CENPU: variants seen among roughly 807,000 people sequenced by gnomAD.
The protein encoded by CENPU is KSHV latent nuclear antigen interacting protein 1.
CENPU carries 46 observed loss-of-function variants against 56.7 expected under a neutral mutation model. The ratio of observed to expected loss-of-function variants is 0.81; its 90% CI spans 0.64 to 1.04. The LOEUF (loss-of-function observed/expected upper bound fraction) is 1.04. Ranked by LOEUF, CENPU falls within the 50% of genes least tolerant of loss-of-function variation. The probability of loss-of-function intolerance (pLI) is 0.00; values close to 1 mark genes in which losing one functional copy is unlikely to be tolerated. For missense variants in CENPU, 510 were observed against 490.1 expected, an observed-to-expected ratio of 1.04 and a Z score of -0.38; for synonymous variants, 166 against 163.0, an observed-to-expected ratio of 1.02 and a Z score of -0.14.
rs1761621511 is a variant in CENPU, at chr4:184,730,982, A to G, written c.48-14T>C. 2.6e-6 allele frequency: 4 copies of G among 1,565,026 alleles called. No homozygotes were observed. In the East Asian group the frequency reaches 9.4e-5, roughly 37 times the overall value. On this transcript the variant is annotated splice_polypyrimidine_tract_variant and intron_variant, in intron 1 of 12. Coordinates refer to ENST00000281453, the MANE Select transcript of CENPU (RefSeq NM_024629.4). ...GAACGTCTTGCGCTATTAAACAGCA[A>G]AAAAACACAAGAGTTAGGAAATAGT... is the stretch of plus-strand genomic sequence containing the variant.
chr4:184,717,302 A>G (rs1761126653), intron 4 of CENPU, 106 bp from the exon 5 acceptor site: 3 of 819,106 alleles, frequency 3.7e-6, no homozygotes, highest in Non-Finnish European at 6.0e-6. Context: ...TTTAATGAGG[A>G]AATATCCTAT....
intron 8 of CENPU, among the ~76,000 whole-genome samples, chr4:184,703,909 T>G (rs1760630698): frequency 6.6e-6 from 1 of 152,224 alleles, no homozygotes; most frequent in Non-Finnish European, 1.5e-5. Flanking sequence ...CTAGTGACAC[T>G]GTTGCCATCA....
intron 7 of CENPU, among the ~76,000 whole-genome samples, chr4:184,712,551 A>G (rs969209991): frequency 6.6e-6 from 1 of 152,238 alleles, no homozygotes; most frequent in African/African-American, 2.4e-5. Flanking sequence ...CTGTAAACAC[A>G]CACTGAACTC....
Position 184,712,945 on chromosome 4 carries a change from T to A in CENPU, c.687A>T (p.Ser229=). ...RKKSRSKAIG[S]DTSDIVHIWC... is the part of the protein sequence containing the mutation. ...AAAGTATAAAACATCATTCTCTACC[T>A]GAGCCTATGGCTTTACTTCTTGATT... The change falls in exon 7 of 13, where the codon TCA becomes TCT. Residue 229 remains serine (S), a splice_region_variant and synonymous_variant. Transcript: ENST00000281453. 1 of 1,578,156 alleles carries A rather than the reference T, an allele frequency of 6.3e-7. No homozygotes were observed. The highest frequency in any genetic ancestry group is 8.7e-7 in the Non-Finnish European group (1 of 1,155,950).
chr4:184,695,411 G>A lies in CENPU; in HGVS notation c.1144-10C>T. 1 of 1,579,486 alleles carries A rather than the reference G, an allele frequency of 6.3e-7. No homozygotes were observed. The stretch of plus-strand genomic sequence containing the variant: ...GGCTGGATGAATCATACTGTTGAAA[G>A]AAAATTATATAATTAGCAATATCAA... On this transcript the variant is annotated splice_polypyrimidine_tract_variant and intron_variant, in intron 12 of 12. Coordinates refer to ENST00000281453, the MANE Select transcript of CENPU (RefSeq NM_024629.4).
At chr4:184,696,486 C>A (rs1760322129) in intron 12 of CENPU, among the ~76,000 whole-genome samples, 1 of 151,838 alleles carries the variant, frequency 6.6e-6, no homozygotes, top group Admixed American at 6.6e-5. Context: ...GATAACTTGC[C>A]CAAATTTAGT....
intron 4 of CENPU, among the ~76,000 whole-genome samples, chr4:184,721,382 A>G (rs1478723170): frequency 6.7e-6 from 1 of 148,806 alleles, no homozygotes; most frequent in Non-Finnish European, 1.5e-5. Context: ...TGGCATGAGT[A>G]AGTCCCTGCT....
intron 8 of CENPU, among the ~76,000 whole-genome samples, chr4:184,703,705 T>G (rs1331908095): frequency 1.3e-5 from 2 of 152,230 alleles, no homozygotes; most frequent in Non-Finnish European, 2.9e-5. Context: ...GAATATCAAT[T>G]GTACACCAAT....
At chr4:184,710,697 C>T (rs1442863827) in intron 7 of CENPU, among the ~76,000 whole-genome samples, 1 of 152,122 alleles carries the variant, frequency 6.6e-6, no homozygotes, top group Non-Finnish European at 1.5e-5. Flanking sequence ...TTTAACCTTC[C>T]AGAGGCTGTT....
In CENPU at chr4:184,694,887, T is replaced by C; in HGVS notation, c.*401A>G. ...TTTATATAAACTAAGTTTTATTACT[T>C]TGCTTTCCAATTTTTGTTTTTTACT... is the stretch of plus-strand genomic sequence containing the variant. On this transcript the variant is annotated 3_prime_UTR_variant, in exon 13 of 13. Transcript: ENST00000281453. 9.9e-7 allele frequency: 1 copy of C among 1,005,202 alleles called. No individual in the cohort carries two copies. The highest frequency in any genetic ancestry group is 1.4e-6 in the Non-Finnish European group (1 of 703,944). 62.3% of individuals were successfully genotyped at this position (1,005,202 alleles called of 1,614,324 possible). A position where few individuals can be genotyped will look rare whatever the true frequency, so the allele number is the denominator to read the frequency against.
intron 5 of CENPU, among the ~76,000 whole-genome samples, chr4:184,716,902 T>C (rs1561138995): frequency 6.6e-6 from 1 of 152,236 alleles, no homozygotes; most frequent in Non-Finnish European, 1.5e-5. Context: ...ACAAAGTACA[T>C]AGAGATGTGA....
rs1761549246 is a variant in CENPU, at chr4:184,729,031, G to A, written c.101C>T (p.Ala34Val). 2 of 1,611,792 alleles carry A rather than the reference G, an allele frequency of 1.2e-6. No homozygotes were observed. Among genetic ancestry groups the A allele is most frequent in the Non-Finnish European group, 1.7e-6 (2 of 1,178,550 alleles). ...GTCAATAGGCTTGCACTTTTGACCA[G>A]CTTTCTAAAAGTGAATAAAGTTGAG... Reference protein sequence around the residue: ...LERTHSMKDKAGQKCKPIDVF... With the variant: ...LERTHSMKDKVGQKCKPIDVF... The change falls in exon 3 of 13, where the codon GCT becomes GTT. Residue 34 changes from alanine (A) to valine (V), a missense_variant. Ala to Val is a moderately conservative substitution (Grantham distance 64). Coordinates refer to ENST00000281453, the MANE Select transcript of CENPU (RefSeq NM_024629.4).
chr4:184,697,910 G>C, intron 11 of CENPU, 107 bp from the exon 12 acceptor site: 1 of 737,446 alleles, frequency 1.4e-6, no homozygotes, highest in Non-Finnish European at 2.1e-6. Flanking sequence ...TGGCCAACTA[G>C]ATGACTTGCT....
intron 7 of CENPU, among the ~76,000 whole-genome samples, chr4:184,711,513 C>T (rs1017766619): frequency 2.0e-5 from 3 of 152,052 alleles, no homozygotes; most frequent in East Asian, 1.9e-4. Flanking sequence ...GAACTTATAC[C>T]TCCTATCTAA....
At position 184,702,805 on chromosome 4, in the gene CENPU, T is replaced by G. The variant is rs531269432; in HGVS notation, c.798-364A>C. On this transcript the variant is annotated intron_variant, in intron 8 of 12. Coordinates refer to ENST00000281453, the MANE Select transcript of CENPU (RefSeq NM_024629.4). ...GCACCCAGTGTTTAGCTCCCACTTA[T>G]AAGTAAGAACACGCGGTATTTGGCT... Among the ~76,000 whole-genome samples the G allele has an allele frequency of 5.6e-4, 86 of 152,290 alleles. 1 individual carries two copies. The highest frequency in any genetic ancestry group is 2.0e-3 in the African/African-American group (84 of 41,556).
At position 184,713,026 on chromosome 4, in the gene CENPU, A is replaced by G; in HGVS notation, c.619-13T>C. 6.6e-7 allele frequency: 1 copy of G among 1,517,826 alleles called. No individual in the cohort carries two copies. Among genetic ancestry groups the G allele is most frequent in the Non-Finnish European group, 8.9e-7 (1 of 1,117,798 alleles). The allele number at this position is 1,517,826 out of a possible 1,614,324, so 94.0% of individuals were successfully genotyped here. The stretch of plus-strand genomic sequence containing the variant: ...TTTTCTGAGTTTTCTACAAAAAAAA[A>G]AAGCATTAAGTTTTTAAGAAAAGTT... On this transcript the variant is annotated splice_polypyrimidine_tract_variant and intron_variant, in intron 6 of 12. Coordinates refer to ENST00000281453, the MANE Select transcript of CENPU (RefSeq NM_024629.4).
At position 184,730,964 on chromosome 4, in the gene CENPU, T is replaced by C. The variant is rs1440729264; in HGVS notation, c.52A>G (p.Arg18Gly). ...RPRPHRSEGA[R>G]RSKNTLERTH... ...CTTTCTAAAGTGTTCTTTGAACGTCTTGCGCTATTAAACAGCAAAAAAACA... is the reference window on the plus strand; with the variant it reads ...CTTTCTAAAGTGTTCTTTGAACGTCCTGCGCTATTAAACAGCAAAAAAACA... The change falls in exon 2 of 13, where the codon AGA becomes GGA. Residue 18 changes from arginine (R) to glycine (G), a missense_variant. Coordinates refer to ENST00000281453, the MANE Select transcript of CENPU (RefSeq NM_024629.4). The C allele has an allele frequency of 1.9e-6, 3 of 1,578,506 alleles. No individual in the cohort carries two copies. The highest frequency in any genetic ancestry group is 1.7e-6 in the Non-Finnish European group (2 of 1,169,118).
chr4:184,712,946 G>A lies in CENPU; in HGVS notation c.686C>T (p.Ser229Leu), dbSNP rs1292519470. ...AAGTATAAAACATCATTCTCTACCT[G>A]AGCCTATGGCTTTACTTCTTGATTT... The part of the protein sequence containing the change: ...RKKSRSKAIG[S>L]DTSDIVHIWC... Residue 229 changes from serine to leucine, a missense_variant and splice_region_variant, in exon 7 of 13, where the codon TCA (serine) becomes TTA (leucine). Ser to Leu is a moderately radical substitution (Grantham distance 145). Transcript: ENST00000281453. 7 of 1,579,398 alleles carry A rather than the reference G, an allele frequency of 4.4e-6. No individual in the cohort carries two copies. The highest frequency in any genetic ancestry group is 2.7e-5 in the African/African-American group (2 of 73,302).
At chr4:184,722,703 A>G (rs181804638) in intron 4 of CENPU, among the ~76,000 whole-genome samples, 231 of 139,398 alleles carry the variant, frequency 1.7e-3, no homozygotes, top group African/African-American at 6.0e-3. Context: ...AACAAAACAA[A>G]ACAAAACAAA....
Sources: allele counts gnomAD v4.1 joint callset (sites outside exome capture counted in the v4.1 genomes callset), GRCh38; gene constraint gnomAD v4.1.1; transcripts MANE v1.5; gene names NCBI Gene and HGNC (gene_info 2026-07-23, HGNC 2026-07-21).